Variants in COL28A1 observed in about 807,000 individuals in gnomAD.
The protein encoded by COL28A1 is collagen alpha-1(XXVIII) chain.
In COL28A1, 161 loss-of-function variants were observed where a neutral mutation model predicts 150.2. That is an observed-to-expected ratio of 1.07 (90% CI 0.94 to 1.22). The LOEUF is 1.22. Among genes scored for constraint, COL28A1 ranks in the 50% most tolerant of loss-of-function variants. The pLI is 0.00. For synonymous variants in COL28A1, 552 were observed against 469.7 expected (o/e 1.18, Z -2.26); for missense variants, 1,617 against 1,388.3 (o/e 1.16, Z -2.62).
At chr7:7,537,370 C>G (rs1437287889), upstream of COL28A1, among the ~76,000 whole-genome samples, 4 of 152,238 alleles carry the variant, frequency 2.6e-5, no homozygotes, top group African/African-American at 9.6e-5. Flanking sequence ...ATGGGGAAAA[C>G]ATGTCAACTC....
chr7:7,477,994 C>T (rs1475869277), intron 13 of COL28A1, among the ~76,000 whole-genome samples: 1 of 152,068 alleles, frequency 6.6e-6, no homozygotes, highest in Non-Finnish European at 1.5e-5. Context: ...TAGCTAGATA[C>T]AGAGTGTCGA....
At chr7:7,376,463 C>T (rs892652936) in intron 30 of COL28A1, among the ~76,000 whole-genome samples, 12 of 152,186 alleles carry the variant, frequency 7.9e-5, no homozygotes, top group South Asian at 4.1e-4. Flanking sequence ...TAAAAGCTAA[C>T]GATTCCAAGT....
intron 4 of COL28A1, 117 bp downstream of exon 4, chr7:7,524,112 A>C: frequency 1.4e-6 from 1 of 730,070 alleles, no homozygotes. Context: ...GGCTCATTTT[A>C]AAAGAACTAA....
intron 9 of COL28A1, among the ~76,000 whole-genome samples, chr7:7,509,809 T>G (rs1781024854): frequency 6.6e-6 from 1 of 152,222 alleles, no homozygotes; most frequent in African/African-American, 2.4e-5. Flanking sequence ...GTGTCCCTTT[T>G]TCTGCATTGC....
intron 30 of COL28A1, among the ~76,000 whole-genome samples, chr7:7,379,772 C>G (rs1386903755): frequency 6.6e-6 from 1 of 152,218 alleles, no homozygotes; most frequent in Admixed American, 6.5e-5. Flanking sequence ...CATACACTCT[C>G]CCCTGCTACT....
At chr7:7,381,746 T>G (rs1485077637) in intron 27 of COL28A1, 134 bp from the exon 28 acceptor site, 6 of 575,284 alleles carry the variant, frequency 1.0e-5, no homozygotes, top group Non-Finnish European at 1.2e-5. Flanking sequence ...TATATATATA[T>G]ATGTATATAA....
chr7:7,453,169 T>A (rs1409516396), intron 17 of COL28A1, among the ~76,000 whole-genome samples: 1 of 152,202 alleles, frequency 6.6e-6, no homozygotes, highest in East Asian at 1.9e-4. Flanking sequence ...TCTATTAATA[T>A]TACTGTTTGA....
chr7:7,436,149 C>A (rs1186358054), intron 23 of COL28A1, among the ~76,000 whole-genome samples: 2 of 152,084 alleles, frequency 1.3e-5, no homozygotes, highest in Non-Finnish European at 2.9e-5. Flanking sequence ...ACTGACAGTG[C>A]AAAAGAGCAT....
chr7:7,464,034 T>C (rs1337759909), intron 15 of COL28A1, among the ~76,000 whole-genome samples: 1 of 152,136 alleles, frequency 6.6e-6, no homozygotes, highest in East Asian at 1.9e-4. Context: ...CAAAACAAAC[T>C]TTAAAGCAAC....
At chr7:7,484,641 T>C (rs1250707018) in intron 13 of COL28A1, among the ~76,000 whole-genome samples, 5 of 152,138 alleles carry the variant, frequency 3.3e-5, no homozygotes, top group Non-Finnish European at 5.9e-5. Flanking sequence ...AGTAAAAGTG[T>C]CATATGGTCA....
In COL28A1 at chr7:7,360,504, C is replaced by T. The variant is rs1166172575; in HGVS notation, c.3091G>A (p.Glu1031Lys). 6.2e-7 allele frequency: 1 copy of T among 1,605,640 alleles called. No homozygotes were observed. Among genetic ancestry groups the T allele is most frequent in the African/African-American group, 1.3e-5 (1 of 74,346 alleles). Residue 1031 changes from glutamate to lysine, a missense_variant, in exon 34 of 35, where the codon GAA (glutamate) becomes AAA (lysine). By Grantham distance (56) the Glu-to-Lys change is moderately conservative (BLOSUM62 1). Coordinates refer to ENST00000399429, the MANE Select transcript of COL28A1 (RefSeq NM_001037763.3). ...ESLSVTRDQD[E>K]DDKAPEPTWA... The stretch of plus-strand genomic sequence containing the variant: ...GTTGGCTCTGGAGCCTTATCATCTT[C>T]ATCCTGGTCTCTGGTGACACTCAAC...
At chr7:7,479,787 C>T (rs546019054) in intron 13 of COL28A1, among the ~76,000 whole-genome samples, 1 of 152,090 alleles carries the variant, frequency 6.6e-6, no homozygotes, top group Non-Finnish European at 1.5e-5. Context: ...AATGGACTTG[C>T]AGAAAATGTA....
intron 14 of COL28A1, among the ~76,000 whole-genome samples, chr7:7,475,603 G>A (rs1337261004): frequency 6.6e-6 from 1 of 152,126 alleles, no homozygotes; most frequent in Non-Finnish European, 1.5e-5. Flanking sequence ...CTGTCACTAT[G>A]AAATACCCTG....
At chr7:7,432,368 G>T in intron 25 of COL28A1, 105 bp downstream of exon 25, 1 of 790,322 alleles carries the variant, frequency 1.3e-6, no homozygotes, top group South Asian at 1.7e-5. Flanking sequence ...AATTATTTCA[G>T]ACACCTCTAC....
rs955355040 is a variant in COL28A1 at position 7,393,264 on chromosome 7, T to C, written c.2137-11652A>G. Among the ~76,000 whole-genome samples, 3 of 152,246 alleles carry C rather than the reference T, an allele frequency of 2.0e-5. No homozygotes were observed. In the East Asian group the frequency reaches 5.8e-4, roughly 29 times the overall value. On this transcript the variant is annotated intron_variant, in intron 27 of 34. Coordinates refer to ENST00000399429, the MANE Select transcript of COL28A1 (RefSeq NM_001037763.3). ...TTTGCTGGACGTCCACTCCAGACCC[T>C]GTTTGCCTGGGCATTACCAGTGGAG...
rs199695945 is a variant in COL28A1, at chr7:7,373,497, G to C, written c.2409C>G (p.Ile803Met). Residue 803 changes from isoleucine to methionine, a missense_variant, in exon 32 of 35, where the codon ATC becomes ATG. Transcript: ENST00000399429. The surrounding 1 kb of genome is among the most constrained non-coding windows in gnomAD (Gnocchi z 4.1). ...CTGGCCCCACGCTTTCTGAGCTGTC[G>C]ATCACAAACACCAGCTCTAGTGGAG... ...KETPLELVFV[I>M]DSSESVGPEN... The C allele has an allele frequency of 2.5e-6, 4 of 1,613,798 alleles. No homozygotes were observed. Among genetic ancestry groups the C allele is most frequent in the Non-Finnish European group, 3.4e-6 (4 of 1,180,002 alleles).
At chr7:7,480,462 A>C (rs948943437) in intron 13 of COL28A1, among the ~76,000 whole-genome samples, 1 of 152,214 alleles carries the variant, frequency 6.6e-6, no homozygotes, top group Non-Finnish European at 1.5e-5. Context: ...GGAGCATGAA[A>C]ATTATTAATA....
intron 4 of COL28A1, among the ~76,000 whole-genome samples, chr7:7,523,982 G>A (rs914609753): frequency 6.6e-6 from 1 of 152,174 alleles, no homozygotes; most frequent in African/African-American, 2.4e-5. Context: ...GTTTGCTCAT[G>A]ACTGATTTCT....
chr7:7,412,119 A>G (rs1014244260), intron 27 of COL28A1, among the ~76,000 whole-genome samples: 1 of 152,144 alleles, frequency 6.6e-6, no homozygotes, highest in Non-Finnish European at 1.5e-5. Flanking sequence ...AAGTACAGCC[A>G]TGCAACTAGT....
Sources: allele counts gnomAD v4.1 joint callset (sites outside exome capture counted in the v4.1 genomes callset), GRCh38; gene constraint gnomAD v4.1.1; non-coding constraint Gnocchi (gnomAD v3.1); transcripts MANE v1.5; gene names NCBI Gene and HGNC (gene_info 2026-07-23, HGNC 2026-07-21).